FILIP1L: variants seen among roughly 807,000 people sequenced by gnomAD.
The protein encoded by FILIP1L is filamin A interacting protein 1 like.
FILIP1L carries 55 observed loss-of-function variants against 96.6 expected under a neutral mutation model. The observed-to-expected ratio is 0.57, with a 90% confidence interval of 0.46 to 0.71. The LOEUF (loss-of-function observed/expected upper bound fraction) is 0.71. Ranked by LOEUF, FILIP1L falls within the 30% of genes least tolerant of loss-of-function variation. FILIP1L has a pLI of 0.00. For missense variants in FILIP1L, 1,304 were observed against 1,321.2 expected (o/e 0.99, Z 0.20); for synonymous variants, 467 against 473.9 (o/e 0.99, Z 0.19).
At chr3:99,939,165 G>A (rs1413965838) in intron 1 of FILIP1L, among the ~76,000 whole-genome samples, 1 of 152,192 alleles carries the variant, frequency 6.6e-6, no homozygotes, top group Non-Finnish European at 1.5e-5. Context: ...AAGAGCTTCA[G>A]AAGGTGGTGC....
chr3:100,089,101 A>G (rs1464935783), intron 1 of FILIP1L, among the ~76,000 whole-genome samples: 2 of 152,162 alleles, frequency 1.3e-5, no homozygotes, highest in Non-Finnish European at 2.9e-5. Flanking sequence ...CCATTTCCCT[A>G]CCAGTAAAGT....
intron 4 of FILIP1L, among the ~76,000 whole-genome samples, chr3:99,917,992 T>G (rs547687148): frequency 4.5e-4 from 68 of 152,292 alleles, no homozygotes; most frequent in Non-Finnish European, 5.3e-4. Context: ...GTTTTGTTTT[T>G]TTTGAGACAG....
chr3:99,910,878 C>T (rs1402560611), intron 4 of FILIP1L, among the ~76,000 whole-genome samples: 16 of 152,066 alleles, frequency 1.1e-4, no homozygotes. Flanking sequence ...AAACAATGGC[C>T]AAAGGCAGTT....
chr3:99,929,961 A>T lies in FILIP1L; in HGVS notation c.321T>A (p.Tyr107Ter). ...KMDLALLEAQ[Y>*]GFVTPKKVLE... is the part of the protein sequence containing the mutation. Reference sequence around the variant, plus strand: ...ACACCTTTTTTGGAGTGACAAACCCATACTGAGCTTCCAGCAAAGCCAGGT... The same window carrying T: ...ACACCTTTTTTGGAGTGACAAACCCTTACTGAGCTTCCAGCAAAGCCAGGT... Residue 107 changes from tyrosine (Y) to a stop codon, truncating the protein, a stop_gained, in exon 3 of 6, where the codon TAT (tyrosine) becomes TAA (stop). Transcript: ENST00000477258. LOFTEE classifies it high-confidence loss of function. 2 of 1,614,152 alleles carry T rather than the reference A, an allele frequency of 1.2e-6. No homozygotes were observed. Among genetic ancestry groups the T allele is most frequent in the Non-Finnish European group, 1.7e-6 (2 of 1,180,002 alleles).
At chr3:99,974,709 AAACAACAAC>A (rs371476675) in intron 1 of FILIP1L, among the ~76,000 whole-genome samples, 50 of 152,024 alleles carry the variant, frequency 3.3e-4, no homozygotes, top group African/African-American at 1.0e-3. Context: ...CTCCATCTCA[AAACAACAAC>A]AACAACAACA....
chr3:99,875,940 T>C (rs1221008412), intron 4 of FILIP1L: 11 of 528,496 alleles, frequency 2.1e-5, no homozygotes, highest in Non-Finnish European at 2.4e-5. Flanking sequence ...CTAGAATTCA[T>C]TGGATGCGCT....
In FILIP1L at chr3:99,848,384, C is replaced by T. The variant is rs1164247969; in HGVS notation, c.3292G>A (p.Gly1098Arg). Residue 1098 changes from glycine (G) to arginine (R), a missense_variant, in exon 5 of 6, where the codon GGG becomes AGG. Coordinates refer to ENST00000477258, the MANE Select transcript of FILIP1L (RefSeq NM_001387850.1). ...TTATTGGTTGTTTTGTTTAGTGCCC[C>T]GTTAATTAAGCCTTGAGTTCGGTTA... ...QDNRTQGLIN[G>R]ALNKTTNKVT... 5 of 1,613,960 alleles carry T rather than the reference C, an allele frequency of 3.1e-6. No homozygotes were observed. The highest frequency in any genetic ancestry group is 1.3e-5 in the African/African-American group (1 of 74,882).
chr3:100,014,528 C>G (rs1385190665), intron 1 of FILIP1L, among the ~76,000 whole-genome samples: 1 of 152,080 alleles, frequency 6.6e-6, no homozygotes, highest in Non-Finnish European at 1.5e-5. Flanking sequence ...TGATAATAAC[C>G]ATTCTAACAG....
At chr3:100,093,841 T>C (rs2066156603) in intron 1 of FILIP1L, among the ~76,000 whole-genome samples, 1 of 152,214 alleles carries the variant, frequency 6.6e-6, no homozygotes, top group African/African-American at 2.4e-5. Context: ...ACTTATCACA[T>C]AGCACAATTT....
At position 99,849,705 on chromosome 3, in the gene FILIP1L, C is replaced by A; in HGVS notation, c.1971G>T (p.Glu657Asp). 1 of 1,613,672 alleles carries A rather than the reference C, an allele frequency of 6.2e-7. No individual in the cohort carries two copies. The highest frequency in any genetic ancestry group is 8.5e-7 in the Non-Finnish European group (1 of 1,179,968). ...DDLMKTEDEYETLERRYANER... is the reference protein window; with the variant it reads ...DDLMKTEDEYDTLERRYANER... ...CATTAGCATACCTTCGTTCTAGAGT[C>A]TCATATTCATCTTCTGTTTTCATGA... The change falls in exon 5 of 6, where the codon GAG becomes GAT. Residue 657 changes from glutamate (E) to aspartate (D), a missense_variant. Coordinates refer to ENST00000477258, the MANE Select transcript of FILIP1L (RefSeq NM_001387850.1).
chr3:99,865,305 C>T (rs1156773428), intron 4 of FILIP1L, among the ~76,000 whole-genome samples: 1 of 152,158 alleles, frequency 6.6e-6, no homozygotes, highest in Non-Finnish European at 1.5e-5. Context: ...GTAGTTTTTA[C>T]TCCAAATCCT....
chr3:99,867,001 C>G (rs1468441762), intron 4 of FILIP1L, among the ~76,000 whole-genome samples: 1 of 152,170 alleles, frequency 6.6e-6, no homozygotes. Flanking sequence ...TCCTTTTCAG[C>G]AACTTCTGAA....
At chr3:99,895,315 A>G (rs1413280014) in intron 4 of FILIP1L, among the ~76,000 whole-genome samples, 2 of 151,930 alleles carry the variant, frequency 1.3e-5, no homozygotes, top group African/African-American at 2.4e-5. Context: ...TAAAGAATGA[A>G]TCATAATCCA....
rs557994689 is a variant in FILIP1L at position 99,983,495 on chromosome 3, T to C, written c.-10-52465A>G. 3.9e-3 allele frequency among the ~76,000 whole-genome samples: 206 copies of C among 52,398 alleles called. 1 individual carries two copies. The highest frequency in any genetic ancestry group is 0.01 in the African/African-American group (167 of 16,258). The allele number at this position is 52,398 out of a possible 152,430, so 34.4% of individuals were successfully genotyped here. ...ATATATATATATATATATATATATATATATATATATATATGTATATATATA... is the reference window on the plus strand; with the variant it reads ...ATATATATATATATATATATATATACATATATATATATATGTATATATATA... On this transcript the variant is annotated intron_variant, in intron 1 of 5. Coordinates refer to ENST00000477258, the MANE Select transcript of FILIP1L (RefSeq NM_001387850.1).
At chr3:99,910,815 C>T (rs1174157323) in intron 4 of FILIP1L, among the ~76,000 whole-genome samples, 1 of 152,196 alleles carries the variant, frequency 6.6e-6, no homozygotes, top group Non-Finnish European at 1.5e-5. Context: ...AGCATCAACA[C>T]ATAACTAGTG....
At chr3:99,937,306 T>TGTGA (rs1344658712) in intron 1 of FILIP1L, among the ~76,000 whole-genome samples, 1 of 152,340 alleles carries the variant, frequency 6.6e-6, no homozygotes, top group Admixed American at 6.5e-5. Flanking sequence ...TATACAAAAA[T>TGTGA]GTGAGTAACA....
intron 1 of FILIP1L, among the ~76,000 whole-genome samples, chr3:99,955,671 A>C (rs1156264547): frequency 6.6e-6 from 1 of 152,210 alleles, no homozygotes; most frequent in Non-Finnish European, 1.5e-5. Context: ...GATGATAATG[A>C]AATAACTTCC....
chr3:99,858,865 C>T (rs1303412861), intron 4 of FILIP1L, among the ~76,000 whole-genome samples: 1 of 152,190 alleles, frequency 6.6e-6, no homozygotes, highest in Admixed American at 6.5e-5. Context: ...TCTGGAAAAG[C>T]GTCTGGTTTG....
At chr3:100,095,527 T>C (rs1178205983) in intron 1 of FILIP1L, among the ~76,000 whole-genome samples, 1 of 151,928 alleles carries the variant, frequency 6.6e-6, no homozygotes, top group African/African-American at 2.4e-5. Flanking sequence ...GAAAAGACAG[T>C]CTCTCCAATA....
Sources: gnomAD v4.1 joint callset for allele counts (sites outside exome capture counted in the v4.1 genomes callset) on GRCh38, gnomAD v4.1.1 for gene constraint, MANE v1.5 for transcripts, NCBI Gene and HGNC (gene_info 2026-07-23, HGNC 2026-07-21) for gene names.